The following CCDC190 variants were observed in gnomAD, a reference collection of about 807,000 sequenced individuals.
CCDC190 encodes coiled-coil domain containing 190.
Under a neutral mutation model 13.1 loss-of-function variants are expected in CCDC190, and 10 were observed. The observed-to-expected ratio is 0.77, with a 90% CI of 0.47 to 1.30. The LOEUF is 1.30. Ranked by LOEUF, CCDC190 falls within the 50% of genes most tolerant of loss-of-function variation. The pLI is 0.00. For synonymous variants in CCDC190, 136 were observed against 127.2 expected (o/e 1.07, Z -0.47); for missense variants, 375 against 354.3 (o/e 1.06, Z -0.47).
In CCDC190 at chr1:162,852,975, C is replaced by A; in HGVS notation, c.*1790G>T. 3 of 729,146 alleles carry A rather than the reference C, an allele frequency of 4.1e-6. No individual in the cohort carries two copies. Among genetic ancestry groups the A allele is most frequent in the South Asian group, 1.7e-5 (1 of 58,850 alleles). 45.2% of individuals were successfully genotyped at this position (729,146 alleles called of 1,614,324 possible). A position where few individuals can be genotyped will look rare whatever the true frequency, so the allele number is the denominator to read the frequency against. On this transcript the variant is annotated 3_prime_UTR_variant, in exon 4 of 4. Transcript: ENST00000367912. ...AAGGGGTTCTCTAATTGTTGTATGCCTATTCATGTTGGCCCAGGCATGGCT... is the reference window on the plus strand; with the variant it reads ...AAGGGGTTCTCTAATTGTTGTATGCATATTCATGTTGGCCCAGGCATGGCT...
intron 1 of CCDC190, 38 bp downstream of exon 1, chr1:162,860,970 C>T (rs1460343154): frequency 2.1e-6 from 2 of 947,026 alleles, no homozygotes; most frequent in Non-Finnish European, 2.5e-6. Flanking sequence ...TAAAGTATAA[C>T]TAAACTTTTA....
chr1:162,856,731 G>C (rs1013888159), intron 2 of CCDC190, among the ~76,000 whole-genome samples: 3 of 152,168 alleles, frequency 2.0e-5, no homozygotes, highest in African/African-American at 7.2e-5. Context: ...TGACCAGATA[G>C]GGAACCCAGA....
intron 1 of CCDC190, among the ~76,000 whole-genome samples, chr1:162,866,269 T>C (rs987343705): frequency 2.6e-5 from 4 of 152,118 alleles, no homozygotes; most frequent in African/African-American, 4.8e-5. Flanking sequence ...GAGACCAGCC[T>C]GGCCAACATG....
Position 162,861,104 on chromosome 1 carries a change from T to G in CCDC190, c.-109A>C, listed in dbSNP as rs1571047009. Reference sequence around the variant, plus strand: ...ATGAGCTTATTTTTCTTCAGTAAACTTAGGAGTTTGGTGTTTGGAGAAAGG... The same window carrying G: ...ATGAGCTTATTTTTCTTCAGTAAACGTAGGAGTTTGGTGTTTGGAGAAAGG... On this transcript the variant is annotated 5_prime_UTR_variant, in exon 1 of 4. Coordinates refer to ENST00000367912, the MANE Select transcript of CCDC190 (RefSeq NM_001394065.1). The G allele has an allele frequency of 1.2e-6, 1 of 812,804 alleles. No homozygotes were observed. The highest frequency in any genetic ancestry group is 1.9e-5 in the African/African-American group (1 of 53,810). The allele number at this position is 812,804 out of a possible 1,614,324, so 50.3% of individuals were successfully genotyped here.
chr1:162,855,311 C>A lies in CCDC190; in HGVS notation c.360G>T (p.Gln120His). 6.2e-7 allele frequency: 1 copy of A among 1,612,976 alleles called. No homozygotes were observed. Among genetic ancestry groups the A allele is most frequent in the Middle Eastern group, 1.6e-4 (1 of 6,062 alleles). Residue 120 changes from glutamine (Q) to histidine (H), a missense_variant, in exon 4 of 4, where the codon CAG becomes CAT. By Grantham distance (24) the Gln-to-His change is conservative. Transcript: ENST00000367912. ...MAQDTCKSKS[Q>H]VPPSHDAGLK... is the part of the protein sequence containing the mutation. ...GGCCAGCATCATGTGAAGGAGGCACCTGGGACTTGCTTTTGCATGTGTCTT... is the reference window on the plus strand; with the variant it reads ...GGCCAGCATCATGTGAAGGAGGCACATGGGACTTGCTTTTGCATGTGTCTT...
In CCDC190 at chr1:162,854,220, G is replaced by A. The variant is rs1650205052; in HGVS notation, c.*545C>T. The A allele has an allele frequency of 1.4e-5, 14 of 985,398 alleles. No homozygotes were observed. Among genetic ancestry groups the A allele is most frequent in the Non-Finnish European group, 1.7e-5 (14 of 829,910 alleles). The allele number at this position is 985,398 out of a possible 1,614,324, so 61.0% of individuals were successfully genotyped here. A position where few individuals can be genotyped will look rare whatever the true frequency, so the allele number is the denominator to read the frequency against. On this transcript the variant is annotated 3_prime_UTR_variant, in exon 4 of 4. Coordinates refer to ENST00000367912, the MANE Select transcript of CCDC190 (RefSeq NM_001394065.1). ...AATTTGATATGAGCAGGTTGAAAGTGGGAGGGTGAAAACTAAAATGGAGCT... is the reference window on the plus strand; with the variant it reads ...AATTTGATATGAGCAGGTTGAAAGTAGGAGGGTGAAAACTAAAATGGAGCT...
intron 1 of CCDC190, 139 bp from the exon 2 acceptor site, chr1:162,859,797 G>A (rs1650437499): frequency 1.6e-6 from 1 of 639,222 alleles, no homozygotes; most frequent in Admixed American, 3.2e-5. Context: ...TCACACTATT[G>A]TTAAATGAGT....
rs1261366720 is a variant in CCDC190 at position 162,854,815 on chromosome 1, C to T, written c.856G>A (p.Ala286Thr). Reference sequence around the variant, plus strand: ...ACCCTGTTTTCACACTCCTTTCCTGCCCTGGATGATGAGGATTCCCCATGC... The same window carrying T: ...ACCCTGTTTTCACACTCCTTTCCTGTCCTGGATGATGAGGATTCCCCATGC... ...FGHGESSSSR[A>T]GKECENRVPS... is the part of the protein sequence containing the mutation. The change falls in exon 4 of 4, where the codon GCA (alanine) becomes ACA (threonine). Residue 286 changes from alanine (A) to threonine (T), a missense_variant. Physicochemically the swap from Ala to Thr is moderately conservative, Grantham distance 58. Coordinates refer to ENST00000367912, the MANE Select transcript of CCDC190 (RefSeq NM_001394065.1). The T allele has an allele frequency of 2.5e-6, 4 of 1,613,872 alleles. No individual in the cohort carries two copies. The highest frequency in any genetic ancestry group is 3.3e-5 in the Admixed American group (2 of 60,000).
rs764768027 is a variant in CCDC190, at chr1:162,853,044, C to T, written c.*1721G>A. On this transcript the variant is annotated 3_prime_UTR_variant, in exon 4 of 4. Coordinates refer to ENST00000367912, the MANE Select transcript of CCDC190 (RefSeq NM_001394065.1). ...TTTTGTGAATCAATCAGTTCTGTCA[C>T]TTATGGCCTGCCTTCCTCTGTTGCT... The T allele has an allele frequency of 2.2e-5, 30 of 1,380,532 alleles. No homozygotes were observed. Among genetic ancestry groups the T allele is most frequent in the African/African-American group, 2.9e-5 (2 of 69,672 alleles). The allele number at this position is 1,380,532 out of a possible 1,614,324, so 85.5% of individuals were successfully genotyped here.
chr1:162,858,186 G>C (rs372749864), intron 2 of CCDC190, among the ~76,000 whole-genome samples: 9 of 152,250 alleles, frequency 5.9e-5, no homozygotes, highest in Admixed American at 3.9e-4. Flanking sequence ...CTTCCCAAAG[G>C]ACATGGAGGC....
At position 162,851,945 on chromosome 1, in the gene CCDC190, A is replaced by G. The variant is rs1034467934; in HGVS notation, c.*2820T>C. 2.0e-5 allele frequency: 3 copies of G among 152,208 alleles called. No individual in the cohort carries two copies. Among genetic ancestry groups the G allele is most frequent in the Non-Finnish European group, 4.4e-5 (3 of 68,038 alleles). 9.4% of individuals were successfully genotyped at this position (152,208 alleles called of 1,614,324 possible). The stretch of plus-strand genomic sequence containing the variant: ...CTTTGAGAGGAGAGTATGGGAAAAG[A>G]GTACCCTGGTCTTTGTTCCTCATCC... On this transcript the variant is annotated 3_prime_UTR_variant, in exon 4 of 4. Coordinates refer to ENST00000367912, the MANE Select transcript of CCDC190 (RefSeq NM_001394065.1).
At chr1:162,864,189 C>T (rs1650622439), upstream of CCDC190, among the ~76,000 whole-genome samples, 1 of 151,802 alleles carries the variant, frequency 6.6e-6, no homozygotes, top group Non-Finnish European at 1.5e-5. Context: ...GACTTCCTAC[C>T]AAAAATGATG....
exon 1 of CCDC190, chr1:162,868,746 CA>C (rs1650799681): frequency 3.4e-5 from 1 of 29,510 alleles, no homozygotes; most frequent in Non-Finnish European, 1.5e-4. Context: ...CCTAGCAGGC[CA>C]TTCCTGCCTG....
At chr1:162,855,971 C>G (rs1650288486) in intron 2 of CCDC190, 1 of 411,270 alleles carries the variant, frequency 2.4e-6, no homozygotes, top group Non-Finnish European at 4.4e-6. Flanking sequence ...CAGACACACA[C>G]AGGGAGAGCA....
Position 162,853,347 on chromosome 1 carries a change from A to G in CCDC190, c.*1418T>C, listed in dbSNP as rs1650177277. 6.6e-6 allele frequency among the ~76,000 whole-genome samples: 1 copy of G among 152,226 alleles called. No homozygotes were observed. The highest frequency in any genetic ancestry group is 1.5e-5 in the Non-Finnish European group (1 of 68,034). On this transcript the variant is annotated 3_prime_UTR_variant, in exon 4 of 4. Transcript: ENST00000367912. ...CCTTATCTGTAAAATGGGGATAAAG[A>G]AAACTATTTTGCAAAGAAAACTTTT...
At chr1:162,859,942 A>C (rs116369182) in intron 1 of CCDC190, among the ~76,000 whole-genome samples, 7 of 151,978 alleles carry the variant, frequency 4.6e-5, no homozygotes, top group Non-Finnish European at 8.8e-5. Flanking sequence ...ATCAAGTGAG[A>C]AGTGTAAGAA....
intron 1 of CCDC190, among the ~76,000 whole-genome samples, chr1:162,860,767 C>T (rs1176819141): frequency 6.6e-6 from 1 of 152,052 alleles, no homozygotes; most frequent in African/African-American, 2.4e-5. Flanking sequence ...CCATATTGGC[C>T]AGGCTAGTCT....
At chr1:162,866,701 A>G (rs549640104) in intron 1 of CCDC190, among the ~76,000 whole-genome samples, 1 of 152,316 alleles carries the variant, frequency 6.6e-6, no homozygotes, top group East Asian at 1.9e-4. Context: ...GACTTATTCT[A>G]ATGCTATAGT....
chr1:162,860,455 G>T (rs1650466336), intron 1 of CCDC190, among the ~76,000 whole-genome samples: 1 of 152,106 alleles, frequency 6.6e-6, no homozygotes, highest in African/African-American at 2.4e-5. Context: ...GCGCTAAGTA[G>T]GGACACATTT....
Sources: gnomAD v4.1 joint callset for allele counts (sites outside exome capture counted in the v4.1 genomes callset) on GRCh38, gnomAD v4.1.1 for gene constraint, MANE v1.5 for transcripts, NCBI Gene and HGNC (gene_info 2026-07-23, HGNC 2026-07-21) for gene names.